Variants in SRGAP1 observed in about 807,000 individuals in gnomAD.
The protein encoded by SRGAP1 is SLIT-ROBO Rho GTPase-activating protein 1.
A neutral mutation model predicts 121.9 loss-of-function variants in SRGAP1; 43 were observed. The observed-to-expected ratio is 0.35, with a 90% CI of 0.28 to 0.46. The LOEUF (loss-of-function observed/expected upper bound fraction) is 0.46, where lower values mean the gene tolerates loss of function less well. Among genes scored for constraint, SRGAP1 ranks in the 20% least tolerant of loss-of-function variants. The pLI is 1.00. For synonymous variants in SRGAP1, 447 were observed against 485.4 expected (o/e 0.92, Z 1.04); for missense variants, 1,102 against 1,350.9 (o/e 0.82, Z 2.89).
chr12:64,026,810 G>A (rs2034662430), intron 4 of SRGAP1, among the ~76,000 whole-genome samples: 1 of 151,022 alleles, frequency 6.6e-6, no homozygotes, highest in African/African-American at 2.4e-5. Flanking sequence ...AGGTTGTGGT[G>A]AGCAAAGATT....
chr12:63,965,583 G>T (rs2032767563), intron 1 of SRGAP1, among the ~76,000 whole-genome samples: 1 of 151,956 alleles, frequency 6.6e-6, no homozygotes, highest in African/African-American at 2.4e-5. Context: ...AGGCAGGAGG[G>T]TCACTTAAAG....
At position 64,159,874 on chromosome 12, in the gene SRGAP1, A is replaced by G. The variant is rs1040777070; in HGVS notation, c.*17202A>G. ...TTATATCAAGCTACTGACATTGAGA[A>G]TTAGGTTGCATAGTTATGCCACAGC... On this transcript the variant is annotated 3_prime_UTR_variant, in exon 22 of 22. Transcript: ENST00000355086. 1 of 152,230 alleles carries G rather than the reference A, an allele frequency of 6.6e-6. No homozygotes were observed. Among genetic ancestry groups the G allele is most frequent in the Non-Finnish European group, 1.5e-5 (1 of 68,028 alleles). The allele number at this position is 152,230 out of a possible 1,614,324, so 9.4% of individuals were successfully genotyped here. A position where few individuals can be genotyped will look rare whatever the true frequency, so the allele number is the denominator to read the frequency against.
At position 64,142,532 on chromosome 12, in the gene SRGAP1, C is replaced by T; in HGVS notation, c.3118C>T (p.Pro1040Ser). 2 of 1,614,200 alleles carry T rather than the reference C, an allele frequency of 1.2e-6. No homozygotes were observed. Among genetic ancestry groups the T allele is most frequent in the Non-Finnish European group, 1.7e-6 (2 of 1,180,048 alleles). Residue 1040 changes from proline (P) to serine (S), a missense_variant, in exon 22 of 22, where the codon CCT (proline) becomes TCT (serine). Transcript: ENST00000355086. The stretch of plus-strand genomic sequence containing the variant: ...CAGTGACACAATGAGTACTTTCAAG[C>T]CTATGGTGGCACCCAGAATGGGCGT... Reference protein sequence around the residue: ...SSSDTMSTFKPMVAPRMGVQL... With the variant: ...SSSDTMSTFKSMVAPRMGVQL...
At chr12:63,929,276 A>C (rs1439409268) in intron 1 of SRGAP1, among the ~76,000 whole-genome samples, 3 of 152,234 alleles carry the variant, frequency 2.0e-5, no homozygotes, top group Non-Finnish European at 4.4e-5. Context: ...AAATTGCCTA[A>C]GTATCTGTTT....
At position 64,108,972 on chromosome 12, in the gene SRGAP1, A is replaced by T. The variant is rs1364505574; in HGVS notation, c.1854A>T (p.Lys618Asn). Residue 618 changes from lysine (K) to asparagine (N), a missense_variant, in exon 16 of 22, where the codon AAA becomes AAT. Physicochemically the swap from Lys to Asn is moderately conservative, Grantham distance 94. Transcript: ENST00000355086. The part of the protein sequence containing the change: ...NLYERALHIR[K>N]LLLTLPRSVL... ...ATGAGAGGGCGCTTCACATCCGCAA[A>T]CTCCTCCTGACTTTGCCCAGGTCGG... 38 of 1,603,766 alleles carry T rather than the reference A, an allele frequency of 2.4e-5. No individual in the cohort carries two copies. The highest frequency in any genetic ancestry group is 1.7e-4 in the Middle Eastern group (1 of 6,006).
At position 63,845,565 on chromosome 12, in the gene SRGAP1, G is replaced by T. The variant is rs575544265; in HGVS notation, c.67+682G>T. 3.3e-5 allele frequency among the ~76,000 whole-genome samples: 5 copies of T among 152,244 alleles called. No homozygotes were observed. The South Asian group carries it at 1.0e-3, about 32-fold the overall frequency. On this transcript the variant is annotated intron_variant, in intron 1 of 21. Transcript: ENST00000355086. ...CCACTTGCATGTAAAATGAAGGTTT[G>T]AATATTTGAGTAGTAGTTTCAGTCC...
chr12:64,106,438 T>C (rs991601223), intron 15 of SRGAP1, among the ~76,000 whole-genome samples: 9 of 152,208 alleles, frequency 5.9e-5, no homozygotes, highest in Non-Finnish European at 1.2e-4. Context: ...TGATATGAGA[T>C]AATAATGCAG....
At chr12:64,032,932 T>C (rs1447146284) in intron 4 of SRGAP1, among the ~76,000 whole-genome samples, 1 of 152,176 alleles carries the variant, frequency 6.6e-6, no homozygotes, top group Non-Finnish European at 1.5e-5. Context: ...ACAAAGTATG[T>C]GTAGAGGGAA....
At chr12:64,083,634 T>G (rs1278215098) in intron 10 of SRGAP1, among the ~76,000 whole-genome samples, 1 of 152,216 alleles carries the variant, frequency 6.6e-6, no homozygotes, top group Non-Finnish European at 1.5e-5. Flanking sequence ...TGTGATGTCA[T>G]TTGTTTTTAA....
chr12:64,115,887 G>C lies in SRGAP1; in HGVS notation c.2218G>C (p.Glu740Gln), dbSNP rs1351720307. ...QDAGTEPHTS[E>Q]DECEPIEAIA... ...TGCTGGTACAGAGCCCCACACAAGT[G>C]AAGATGGTATGCTCTCCCCTTATGC... The change falls in exon 18 of 22, where the codon GAA becomes CAA. Residue 740 changes from glutamate (E) to glutamine (Q), a missense_variant. Glu to Gln is a conservative substitution (Grantham distance 29). This residue lies in a region of SRGAP1 where 747 missense variants were observed against 929.4 expected (regional missense o/e 0.80). Coordinates refer to ENST00000355086, the MANE Select transcript of SRGAP1 (RefSeq NM_020762.4). The C allele has an allele frequency of 3.1e-6, 5 of 1,611,746 alleles. No homozygotes were observed. Among genetic ancestry groups the C allele is most frequent in the Non-Finnish European group, 4.2e-6 (5 of 1,178,774 alleles).
chr12:64,134,408 A>C (rs1429821417), intron 21 of SRGAP1, among the ~76,000 whole-genome samples: 1 of 150,764 alleles, frequency 6.6e-6, no homozygotes, highest in African/African-American at 2.5e-5. Context: ...GCGACACAGC[A>C]AGACTCCATC....
At chr12:63,889,494 C>T (rs1338984193) in intron 1 of SRGAP1, among the ~76,000 whole-genome samples, 1 of 152,204 alleles carries the variant, frequency 6.6e-6, no homozygotes, top group Non-Finnish European at 1.5e-5. Context: ...ATAGGAGCAG[C>T]TGCTGCTGCT....
intron 1 of SRGAP1, among the ~76,000 whole-genome samples, chr12:63,981,731 A>G (rs11175224): frequency 0.018 from 2,742 of 152,256 alleles, 96 homozygotes; most frequent in African/African-American, 0.058. Context: ...CTAGAGGTGG[A>G]GAGACCAAGC....
intron 6 of SRGAP1, among the ~76,000 whole-genome samples, chr12:64,051,372 C>T (rs1034011055): frequency 2.0e-5 from 3 of 152,170 alleles, no homozygotes; most frequent in South Asian, 2.1e-4. Flanking sequence ...TTTAAAACCT[C>T]TCAAATTTAT....
chr12:63,958,970 G>A (rs1021187346), intron 1 of SRGAP1, among the ~76,000 whole-genome samples: 2 of 152,050 alleles, frequency 1.3e-5, no homozygotes, highest in Non-Finnish European at 2.9e-5. Context: ...GCTCCAGGGA[G>A]GTAATACAAA....
At chr12:64,108,097 A>T (rs2036374843) in intron 15 of SRGAP1, among the ~76,000 whole-genome samples, 2 of 152,224 alleles carry the variant, frequency 1.3e-5, no homozygotes, top group African/African-American at 4.8e-5. Context: ...AAAGTTTATT[A>T]TTCCTTTTAA....
At chr12:63,982,093 T>G (rs2033269416) in intron 1 of SRGAP1, among the ~76,000 whole-genome samples, 1 of 151,914 alleles carries the variant, frequency 6.6e-6, no homozygotes, top group Non-Finnish European at 1.5e-5. Context: ...GGCGCCTGTA[T>G]TCCCAGCTAC....
intron 1 of SRGAP1, among the ~76,000 whole-genome samples, chr12:63,895,797 A>C (rs1489546357): frequency 2.0e-5 from 3 of 152,230 alleles, no homozygotes; most frequent in Non-Finnish European, 4.4e-5. Context: ...AGCAACTAAA[A>C]AATATTAATA....
chr12:64,055,927 G>T (rs1215978579), intron 6 of SRGAP1, among the ~76,000 whole-genome samples: 1 of 151,968 alleles, frequency 6.6e-6, no homozygotes, highest in South Asian at 2.1e-4. Context: ...ATCTTCCTGG[G>T]CTCCAGATTT....
Sources: allele counts gnomAD v4.1 joint callset (sites outside exome capture counted in the v4.1 genomes callset), GRCh38; gene constraint gnomAD v4.1.1; regional missense constraint gnomAD v4.1.1; transcripts MANE v1.5; gene names NCBI Gene and HGNC (gene_info 2026-07-23, HGNC 2026-07-21).